The following CRYBG1 variants were observed in gnomAD, a reference collection of about 807,000 sequenced individuals.
CRYBG1 encodes the protein crystallin beta-gamma domain containing 1, also known as beta/gamma crystallin domain-containing protein 1.
In CRYBG1, 139 loss-of-function variants were observed where a neutral mutation model predicts 189.2. The observed-to-expected ratio is 0.73, with a 90% CI of 0.64 to 0.85. The LOEUF is 0.85. Among genes scored for constraint, CRYBG1 ranks in the 40% least tolerant of loss-of-function variants. The pLI, the probability that CRYBG1 is intolerant of heterozygous loss-of-function variation, is 0.00. For synonymous variants in CRYBG1, 1,023 were observed against 1,017.1 expected, an observed-to-expected ratio of 1.01 and a Z score of -0.11; for missense variants, 2,611 against 2,675.8, an observed-to-expected ratio of 0.98 and a Z score of 0.53.
In CRYBG1 at chr6:106,488,051, C is replaced by A. The variant is rs141282470; in HGVS notation, c.313-23379C>A. 1.6e-3 allele frequency among the ~76,000 whole-genome samples: 241 copies of A among 152,230 alleles called. 1 individual carries two copies. The highest frequency in any genetic ancestry group is 5.5e-3 in the African/African-American group (229 of 41,526). On this transcript the variant is annotated intron_variant, in intron 2 of 21. Coordinates refer to ENST00000633556, the MANE Select transcript of CRYBG1 (RefSeq NM_001371242.2). ...GGGTGAGTAGACTCAGTAGTGTGGT[C>A]TTCATAAAGATTCTTCAGCTGTGAT...
At chr6:106,546,963 T>C (rs977477602) in intron 13 of CRYBG1, among the ~76,000 whole-genome samples, 8 of 152,210 alleles carry the variant, frequency 5.3e-5, no homozygotes, top group African/African-American at 1.9e-4. Context: ...TAGATGATGC[T>C]ATTAACACAG....
chr6:106,520,238 G>A lies in CRYBG1; in HGVS notation c.3030G>A (p.Leu1010=). The part of the protein sequence containing the change: ...ASCAPPQEEV[L]GNEHSHCTAE... ...GTGCTCCCCCACAAGAGGAAGTACTGGGCAATGAACACTCTCATTGCACAG... is the reference window on the plus strand; with the variant it reads ...GTGCTCCCCCACAAGAGGAAGTACTAGGCAATGAACACTCTCATTGCACAG... Residue 1010 remains leucine (L), a synonymous_variant, in exon 4 of 22, where the codon CTG becomes CTA. Coordinates refer to ENST00000633556, the MANE Select transcript of CRYBG1 (RefSeq NM_001371242.2). The A allele has an allele frequency of 3.7e-6, 6 of 1,614,134 alleles. No homozygotes were observed. Among genetic ancestry groups the A allele is most frequent in the Non-Finnish European group, 4.2e-6 (5 of 1,180,028 alleles).
At chr6:106,400,466 A>G (rs1302184908) in intron 1 of CRYBG1, among the ~76,000 whole-genome samples, 2 of 152,214 alleles carry the variant, frequency 1.3e-5, no homozygotes, top group Non-Finnish European at 2.9e-5. Context: ...TGAAGAAAAT[A>G]TTTCAGAAGG....
At chr6:106,460,153 ATT>A (rs34524124) in intron 2 of CRYBG1, among the ~76,000 whole-genome samples, 21 of 149,552 alleles carry the variant, frequency 1.4e-4, no homozygotes, top group African/African-American at 3.2e-4. Context: ...CGCCCGGCTA[ATT>A]TTTTTTTTTG....
chr6:106,495,586 G>A (rs78555358), intron 2 of CRYBG1, among the ~76,000 whole-genome samples: 5,111 of 149,888 alleles, frequency 0.034, 121 homozygotes, highest in Middle Eastern at 0.059. Flanking sequence ...ATAGTGGGGG[G>A]GCTGAGTACC....
intron 13 of CRYBG1, among the ~76,000 whole-genome samples, chr6:106,546,856 A>G (rs1582831319): frequency 6.6e-6 from 1 of 152,330 alleles, no homozygotes; most frequent in East Asian, 1.9e-4. Context: ...TTTGATACTC[A>G]CCAGTTGTGT....
intron 2 of CRYBG1, among the ~76,000 whole-genome samples, chr6:106,507,053 G>A (rs62423280): frequency 0.15 from 22,955 of 152,038 alleles, 1,890 homozygotes; most frequent in East Asian, 0.28. Flanking sequence ...GGAATATATA[G>A]TAGTATATAT....
chr6:106,380,451 G>T (rs942903890), intron 1 of CRYBG1, among the ~76,000 whole-genome samples: 1 of 152,134 alleles, frequency 6.6e-6, no homozygotes, highest in Non-Finnish European at 1.5e-5. Context: ...TGATGGACTA[G>T]CCACCTAAAT....
At chr6:106,526,964 C>A (rs772260670) in intron 6 of CRYBG1, among the ~76,000 whole-genome samples, 336 of 106,250 alleles carry the variant, frequency 3.2e-3, no homozygotes, top group Middle Eastern at 0.015. Flanking sequence ...AAAAAAGAGA[C>A]AAAAAAAAAA....
chr6:106,399,714 TG>T (rs1770685888), intron 1 of CRYBG1, among the ~76,000 whole-genome samples: 1 of 150,408 alleles, frequency 6.6e-6, no homozygotes, highest in Non-Finnish European at 1.5e-5. Flanking sequence ...TGGAGTGCAG[TG>T]GTGTGAACAC....
chr6:106,540,841 C>T (rs936672173), intron 9 of CRYBG1, among the ~76,000 whole-genome samples: 1 of 152,034 alleles, frequency 6.6e-6, no homozygotes, highest in African/African-American at 2.4e-5. Flanking sequence ...ATCCAACTTT[C>T]CCATTGCTGA....
intron 1 of CRYBG1, among the ~76,000 whole-genome samples, chr6:106,382,562 G>A (rs1387503111): frequency 5.9e-5 from 9 of 152,222 alleles, no homozygotes; most frequent in Non-Finnish European, 1.3e-4. Flanking sequence ...GCCAAGCATG[G>A]TGGCTCATGC....
At position 106,451,413 on chromosome 6, in the gene CRYBG1, T is replaced by A. The variant is rs189707855; in HGVS notation, c.174-281T>A. ...GATTACTTTCATGCCAAAATCTGTC[T>A]CTCCATCTAGTTTCTGTCTACCTCT... On this transcript the variant is annotated intron_variant, in intron 1 of 21. Transcript: ENST00000633556. 652 of 237,126 alleles carry A rather than the reference T, an allele frequency of 2.7e-3. 1 individual carries two copies. Among genetic ancestry groups the A allele is most frequent in the Middle Eastern group, 0.013 (10 of 758 alleles). 14.7% of individuals were successfully genotyped at this position (237,126 alleles called of 1,614,324 possible). A position where few individuals can be genotyped will look rare whatever the true frequency, so the allele number is the denominator to read the frequency against.
chr6:106,486,749 C>G (rs1398909577), intron 2 of CRYBG1, among the ~76,000 whole-genome samples: 1 of 152,002 alleles, frequency 6.6e-6, no homozygotes, highest in East Asian at 1.9e-4. Context: ...CTCTTGTTCA[C>G]TTTTGGTTTC....
chr6:106,555,905 T>C lies in CRYBG1; in HGVS notation c.5715+8T>C. On this transcript the variant is annotated splice_region_variant and intron_variant, in intron 17 of 21. Coordinates refer to ENST00000633556, the MANE Select transcript of CRYBG1 (RefSeq NM_001371242.2). ...CTTCGTTTTATAGATGTTGTAAGTA[T>C]GTCATTGTGAATAGTGTTGCAGAAA... The C allele has an allele frequency of 6.2e-7, 1 of 1,614,192 alleles. No homozygotes were observed. The highest frequency in any genetic ancestry group is 1.3e-5 in the African/African-American group (1 of 75,070).
chr6:106,360,891 C>A lies in CRYBG1; in HGVS notation c.-18C>A, dbSNP rs752493640. 8 of 1,518,972 alleles carry A rather than the reference C, an allele frequency of 5.3e-6. No homozygotes were observed. The African/African-American group carries it at 5.6e-5, about 11-fold the overall frequency. The allele number at this position is 1,518,972 out of a possible 1,614,324, so 94.1% of individuals were successfully genotyped here. On this transcript the variant is annotated 5_prime_UTR_variant, in exon 1 of 22. Transcript: ENST00000633556. ...GAGGACCGCGTCCCGGCAGTCGGAG[C>A]GGGAGGAGGACAAGACGATGCCGCT... is the stretch of plus-strand genomic sequence containing the variant.
chr6:106,490,699 T>C (rs1474145203), intron 2 of CRYBG1, among the ~76,000 whole-genome samples: 1 of 152,148 alleles, frequency 6.6e-6, no homozygotes, highest in Non-Finnish European at 1.5e-5. Flanking sequence ...AACTCAGTCA[T>C]AGAGTCAGGA....
intron 1 of CRYBG1, among the ~76,000 whole-genome samples, chr6:106,364,468 AT>A (rs1208118488): frequency 1.3e-5 from 2 of 152,214 alleles, no homozygotes; most frequent in African/African-American, 4.8e-5. Context: ...ATATGAAATA[AT>A]TTGAACTTGG....
intron 1 of CRYBG1, among the ~76,000 whole-genome samples, chr6:106,446,529 A>G (rs1562309486): frequency 6.6e-6 from 1 of 152,230 alleles, no homozygotes; most frequent in Non-Finnish European, 1.5e-5. Context: ...CTAAACTTTT[A>G]TGCTACATTT....
Sources: allele counts gnomAD v4.1 joint callset (sites outside exome capture counted in the v4.1 genomes callset), GRCh38; gene constraint gnomAD v4.1.1; transcripts MANE v1.5; gene names NCBI Gene and HGNC (gene_info 2026-07-23, HGNC 2026-07-21).